The following DENND4A variants were observed in gnomAD, a reference collection of about 807,000 sequenced individuals.
DENND4A encodes C-myc promoter-binding protein.
In DENND4A, 70 loss-of-function variants were observed where a neutral mutation model predicts 199.3. That is an observed-to-expected ratio of 0.35 (90% confidence interval 0.29 to 0.43). The LOEUF (loss-of-function observed/expected upper bound fraction) is 0.43. Among genes scored for constraint, DENND4A ranks in the 20% least tolerant of loss-of-function variants. DENND4A has a pLI of 1.00. For synonymous variants in DENND4A, 686 were observed against 766.9 expected, an observed-to-expected ratio of 0.89 and a Z score of 1.74; for missense variants, 1,723 against 2,255.8, an observed-to-expected ratio of 0.76 and a Z score of 4.78.
chr15:65,661,869 A>G lies in DENND4A; in HGVS notation c.5706T>C (p.Phe1902=). 1 of 1,609,658 alleles carries G rather than the reference A, an allele frequency of 6.2e-7. No homozygotes were observed. Among genetic ancestry groups the G allele is most frequent in the Non-Finnish European group, 8.5e-7 (1 of 1,177,756 alleles). ...ATACATCTTAAAGATAAGGTTCTCC[A>G]AAGGTTTTTCGACATTCCATCACCC... ...STGVMECRKT[F]GEPYL Residue 1902 remains phenylalanine (F), a synonymous_variant, in exon 33 of 33, where the codon TTT becomes TTC. Transcript: ENST00000443035.
At chr15:65,705,271 T>C (rs2075010359) in intron 15 of DENND4A, among the ~76,000 whole-genome samples, 1 of 152,190 alleles carries the variant, frequency 6.6e-6, no homozygotes. Flanking sequence ...AAAATCCTTT[T>C]TCAATGAAAA....
chr15:65,726,550 T>C (rs1431902029), intron 11 of DENND4A, among the ~76,000 whole-genome samples: 7 of 152,214 alleles, frequency 4.6e-5, no homozygotes, highest in Non-Finnish European at 1.5e-5. Flanking sequence ...AGGCTTTCCA[T>C]GAATAAAAAT....
In DENND4A at chr15:65,659,242, A is replaced by G. The variant is rs751501770; in HGVS notation, c.*2609T>C. On this transcript the variant is annotated 3_prime_UTR_variant, in exon 33 of 33. Transcript: ENST00000443035. Reference sequence around the variant, plus strand: ...GCATTTCTCTCCAACATGATTGGCCATTATTCTCCAAAATGTATGGTTAAC... The same window carrying G: ...GCATTTCTCTCCAACATGATTGGCCGTTATTCTCCAAAATGTATGGTTAAC... 1.3e-5 allele frequency: 2 copies of G among 150,544 alleles called. No homozygotes were observed. Among genetic ancestry groups the G allele is most frequent in the Non-Finnish European group, 2.9e-5 (2 of 67,856 alleles). The allele number at this position is 150,544 out of a possible 1,614,324, so 9.3% of individuals were successfully genotyped here.
intron 19 of DENND4A, 85 bp from the exon 20 acceptor site, chr15:65,700,760 G>A (rs1418127684): frequency 2.3e-6 from 3 of 1,332,168 alleles, no homozygotes; most frequent in Non-Finnish European, 3.0e-6. Context: ...ATCCACCAAT[G>A]TAATACTGAA....
chr15:65,768,439 A>G (rs2077040564), intron 1 of DENND4A, among the ~76,000 whole-genome samples: 1 of 152,224 alleles, frequency 6.6e-6, no homozygotes, highest in Non-Finnish European at 1.5e-5. Context: ...TCACAGGTCG[A>G]GAAATAGTAC....
At chr15:65,786,579 A>AG (rs1168240188) in intron 1 of DENND4A, among the ~76,000 whole-genome samples, 1 of 152,216 alleles carries the variant, frequency 6.6e-6, no homozygotes, top group Admixed American at 6.5e-5. Flanking sequence ...AGAAAAAAAA[A>AG]TTAATAAAAA....
In DENND4A at chr15:65,674,110, A is replaced by C. The variant is rs563430710; in HGVS notation, c.4370-2224T>G. ...AAAGAGTTAATAGACATATCAGCCA[A>C]ATGCAAATGCTGGCCCTGTATGGAC... On this transcript the variant is annotated intron_variant, in intron 24 of 32. Transcript: ENST00000443035. Among the ~76,000 whole-genome samples the C allele has an allele frequency of 3.9e-5, 6 of 152,262 alleles. No homozygotes were observed. The East Asian group carries it at 1.2e-3, about 29-fold the overall frequency.
intron 1 of DENND4A, among the ~76,000 whole-genome samples, chr15:65,772,835 A>C (rs576186305): frequency 6.6e-6 from 1 of 151,976 alleles, no homozygotes; most frequent in South Asian, 2.1e-4. Flanking sequence ...AGTAGCAAAA[A>C]CAGTTTAAGA....
In DENND4A at chr15:65,717,732, G is replaced by A. The variant is rs550516858; in HGVS notation, c.1807+46C>T. 8 of 1,461,932 alleles carry A rather than the reference G, an allele frequency of 5.5e-6. No individual in the cohort carries two copies. In the East Asian group the frequency reaches 9.6e-5, roughly 18 times the overall value. The allele number at this position is 1,461,932 out of a possible 1,614,324, so 90.6% of individuals were successfully genotyped here. Reference sequence around the variant, plus strand: ...CAGACAGCAAATGAATCATCACAAAGTTAAGCTCAATAACCTGAAAGCTTT... The same window carrying A: ...CAGACAGCAAATGAATCATCACAAAATTAAGCTCAATAACCTGAAAGCTTT... On this transcript the variant is annotated intron_variant, in intron 13 of 32. Coordinates refer to ENST00000443035, the MANE Select transcript of DENND4A (RefSeq NM_001320835.1).
chr15:65,716,833 A>C (rs1041945020), intron 13 of DENND4A, among the ~76,000 whole-genome samples: 5 of 151,934 alleles, frequency 3.3e-5, no homozygotes, highest in Non-Finnish European at 7.4e-5. Context: ...TGACTTCCAC[A>C]ATGGTTGAAC....
At chr15:65,748,488 G>A (rs149343518) in intron 4 of DENND4A, among the ~76,000 whole-genome samples, 89 of 151,866 alleles carry the variant, frequency 5.9e-4, no homozygotes, top group African/African-American at 2.0e-3. Flanking sequence ...GCATGGTGGT[G>A]CATGCCTGTA....
intron 6 of DENND4A, 132 bp from the exon 7 acceptor site, chr15:65,738,077 G>C: frequency 2.5e-6 from 2 of 791,212 alleles, no homozygotes; most frequent in Non-Finnish European, 3.9e-6. Context: ...CAGTGATGAA[G>C]AGACACCCCT....
intron 1 of DENND4A, among the ~76,000 whole-genome samples, chr15:65,764,861 A>G (rs1345737918): frequency 6.6e-6 from 1 of 151,198 alleles, no homozygotes; most frequent in African/African-American, 2.4e-5. Flanking sequence ...AGTCCCAGCT[A>G]CTTGGAAGGC....
At chr15:65,748,984 C>T (rs1218716665) in intron 4 of DENND4A, among the ~76,000 whole-genome samples, 1 of 150,066 alleles carries the variant, frequency 6.7e-6, no homozygotes, top group African/African-American at 2.5e-5. Flanking sequence ...CAGAACAAGA[C>T]CCTGTCTCTA....
intron 22 of DENND4A, among the ~76,000 whole-genome samples, chr15:65,693,903 C>T (rs992693712): frequency 1.3e-5 from 2 of 151,926 alleles, no homozygotes; most frequent in Admixed American, 6.6e-5. Flanking sequence ...TAGCACCTGA[C>T]ATATAGTAGA....
In DENND4A at chr15:65,722,796, G is replaced by A. The variant is rs529418339; in HGVS notation, c.1588+52C>T. On this transcript the variant is annotated intron_variant, in intron 12 of 32. Coordinates refer to ENST00000443035, the MANE Select transcript of DENND4A (RefSeq NM_001320835.1). ...CTTTTATAAGTAAGGCAAAGTAATT[G>A]GAGTCCCTTTTTCAGATTAAATTAC... is the stretch of plus-strand genomic sequence containing the variant. The A allele has an allele frequency of 3.5e-4, 465 of 1,316,110 alleles. 1 individual carries two copies. The highest frequency in any genetic ancestry group is 2.9e-5 in the Non-Finnish European group (28 of 980,266). The allele number at this position is 1,316,110 out of a possible 1,614,324, so 81.5% of individuals were successfully genotyped here.
intron 7 of DENND4A, among the ~76,000 whole-genome samples, chr15:65,737,369 A>G (rs535416072): frequency 1.2e-4 from 18 of 152,300 alleles, no homozygotes; most frequent in African/African-American, 4.3e-4. Flanking sequence ...CCAGTAAGAA[A>G]TATTTGTAAA....
chr15:65,786,337 C>A (rs2077566006), intron 1 of DENND4A, among the ~76,000 whole-genome samples: 1 of 152,064 alleles, frequency 6.6e-6, no homozygotes, highest in East Asian at 1.9e-4. Context: ...ATCCATTATA[C>A]CATGACACAA....
chr15:65,698,406 T>C (rs2077227054), intron 20 of DENND4A, among the ~76,000 whole-genome samples: 1 of 152,230 alleles, frequency 6.6e-6, no homozygotes, highest in South Asian at 2.1e-4. Flanking sequence ...TAGTTCTCTA[T>C]CTTAGGAGAC....
Sources: allele counts gnomAD v4.1 joint callset (sites outside exome capture counted in the v4.1 genomes callset), GRCh38; gene constraint gnomAD v4.1.1; transcripts MANE v1.5; gene names NCBI Gene and HGNC (gene_info 2026-07-23, HGNC 2026-07-21).